Variants in NELL1 observed in about 807,000 individuals in gnomAD.
The protein encoded by NELL1 is neural EGFL like 1, also known as protein kinase C-binding protein NELL1.
A neutral mutation model predicts 107.4 loss-of-function variants in NELL1; 76 were observed. That is an observed-to-expected ratio of 0.71 (90% confidence interval 0.59 to 0.86). NELL1 has a LOEUF of 0.86. Among genes scored for constraint, NELL1 ranks in the 40% least tolerant of loss-of-function variants. NELL1 has a pLI of 0.00. For synonymous variants in NELL1, 353 were observed against 341.2 expected, an observed-to-expected ratio of 1.03 and a Z score of -0.38; for missense variants, 1,024 against 1,005.5, an observed-to-expected ratio of 1.02 and a Z score of -0.25.
At chr11:21,454,035 G>A (rs1475808356) in intron 15 of NELL1, among the ~76,000 whole-genome samples, 8 of 144,214 alleles carry the variant, frequency 5.5e-5, no homozygotes, top group African/African-American at 7.7e-5. Flanking sequence ...CCACTAACTT[G>A]TCATCTAGCA....
chr11:21,329,686 G>A (rs537078446), intron 14 of NELL1, among the ~76,000 whole-genome samples: 1 of 152,082 alleles, frequency 6.6e-6, no homozygotes, highest in East Asian at 1.9e-4. Flanking sequence ...TTAGGTAAAT[G>A]CTTTTTTGTG....
chr11:21,466,214 G>A (rs145662272), intron 15 of NELL1, among the ~76,000 whole-genome samples: 22 of 152,246 alleles, frequency 1.4e-4, no homozygotes, highest in Non-Finnish European at 2.1e-4. Flanking sequence ...CCCTCTACCT[G>A]AAGCCCTGGT....
At chr11:20,928,612 A>G (rs1268712689) in intron 9 of NELL1, 133 bp downstream of exon 9, 7 of 724,650 alleles carry the variant, frequency 9.7e-6, no homozygotes, top group Middle Eastern at 3.6e-4. Context: ...CATTAAATAT[A>G]TGGTAAGAAG....
At chr11:21,208,540 G>A (rs973154235) in intron 13 of NELL1, among the ~76,000 whole-genome samples, 30 of 151,914 alleles carry the variant, frequency 2.0e-4, no homozygotes, top group African/African-American at 6.0e-4. Flanking sequence ...TACTAGAAAG[G>A]AGGAAGCTAT....
intron 13 of NELL1, among the ~76,000 whole-genome samples, chr11:21,189,215 A>G (rs1670622): frequency 0.65 from 99,184 of 151,516 alleles, 33,813 homozygotes; most frequent in Non-Finnish European, 0.74. Flanking sequence ...CTTTTTCCTG[A>G]TGACTAGTTT....
intron 14 of NELL1, among the ~76,000 whole-genome samples, chr11:21,299,790 C>T (rs1298994535): frequency 6.6e-6 from 1 of 151,900 alleles, no homozygotes; most frequent in Non-Finnish European, 1.5e-5. Context: ...TCTAAGAAGA[C>T]TTTATTTATG....
chr11:21,206,186 A>G (rs1329592642), intron 13 of NELL1, among the ~76,000 whole-genome samples: 1 of 152,154 alleles, frequency 6.6e-6, no homozygotes, highest in Non-Finnish European at 1.5e-5. Flanking sequence ...TACTCTCTCC[A>G]AAGGCTCTCA....
chr11:21,384,973 A>G (rs1029318874), intron 15 of NELL1, among the ~76,000 whole-genome samples: 1 of 151,966 alleles, frequency 6.6e-6, no homozygotes, highest in Non-Finnish European at 1.5e-5. Flanking sequence ...ACTAACTCAC[A>G]TCATATTTTC....
At chr11:20,741,875 T>A (rs906062170) in intron 2 of NELL1, among the ~76,000 whole-genome samples, 2 of 152,226 alleles carry the variant, frequency 1.3e-5, no homozygotes, top group African/African-American at 2.4e-5. Flanking sequence ...GGGAAATATA[T>A]GATGGAGTCA....
chr11:20,972,732 T>C (rs1352132514), intron 12 of NELL1, among the ~76,000 whole-genome samples: 1 of 140,822 alleles, frequency 7.1e-6, no homozygotes, highest in East Asian at 2.3e-4. Context: ...CAGTAGGAAA[T>C]GAAATGTTGA....
intron 15 of NELL1, among the ~76,000 whole-genome samples, chr11:21,521,983 A>G (rs967337059): frequency 6.6e-6 from 1 of 152,210 alleles, no homozygotes; most frequent in South Asian, 2.1e-4. Flanking sequence ...TGTGTTCCTT[A>G]TAAATTCCGG....
chr11:20,801,026 T>C (rs1857271850), intron 3 of NELL1, among the ~76,000 whole-genome samples: 1 of 152,176 alleles, frequency 6.6e-6, no homozygotes, highest in South Asian at 2.1e-4. Flanking sequence ...AATCCAGCTT[T>C]CCACCTTCTC....
At chr11:21,273,579 G>A (rs907243580) in intron 14 of NELL1, among the ~76,000 whole-genome samples, 3 of 152,124 alleles carry the variant, frequency 2.0e-5, no homozygotes, top group Admixed American at 6.5e-5. Context: ...CTCGAGAAGA[G>A]CAACTCCAAG....
chr11:21,021,634 G>C (rs977705692), intron 12 of NELL1, among the ~76,000 whole-genome samples: 6 of 151,946 alleles, frequency 3.9e-5, no homozygotes, highest in African/African-American at 1.4e-4. Context: ...TTATGTACAT[G>C]GTACTTGGCC....
intron 2 of NELL1, among the ~76,000 whole-genome samples, chr11:20,764,142 C>T (rs1177539473): frequency 6.6e-6 from 1 of 152,190 alleles, no homozygotes; most frequent in Non-Finnish European, 1.5e-5. Flanking sequence ...TTCCAAGGCA[C>T]ACACACTTAT....
intron 1 of NELL1, among the ~76,000 whole-genome samples, chr11:20,674,764 C>G (rs1056365036): frequency 6.6e-6 from 1 of 152,108 alleles, no homozygotes; most frequent in African/African-American, 2.4e-5. Flanking sequence ...TCAAGGATAC[C>G]ATTGGGGTGT....
At chr11:21,346,014 TAG>T (rs1850676447) in intron 14 of NELL1, among the ~76,000 whole-genome samples, 1 of 152,164 alleles carries the variant, frequency 6.6e-6, no homozygotes, top group Non-Finnish European at 1.5e-5. Context: ...TGTGCCATAT[TAG>T]TAAAATGTGT....
At chr11:21,168,488 A>G (rs1319440603) in intron 13 of NELL1, among the ~76,000 whole-genome samples, 2 of 151,506 alleles carry the variant, frequency 1.3e-5, no homozygotes, top group Non-Finnish European at 1.5e-5. Flanking sequence ...ACCTTTCCCT[A>G]ACTTCTTCAT....
At chr11:21,425,442 C>G (rs1852796412) in intron 15 of NELL1, among the ~76,000 whole-genome samples, 1 of 152,074 alleles carries the variant, frequency 6.6e-6, no homozygotes, top group Admixed American at 6.6e-5. Context: ...TGAGATGAGA[C>G]AGTTTTTCTG....
Sources: gnomAD v4.1 joint callset for allele counts (sites outside exome capture counted in the v4.1 genomes callset) on GRCh38, gnomAD v4.1.1 for gene constraint, MANE v1.5 for transcripts, NCBI Gene and HGNC (gene_info 2026-07-23, HGNC 2026-07-21) for gene names.